PCLO: variants seen among roughly 807,000 people sequenced by gnomAD.
The protein encoded by PCLO is piccolo presynaptic cytomatrix protein.
PCLO carries 82 observed loss-of-function variants against 427.5 expected under a neutral mutation model. The observed-to-expected ratio is 0.19, with a 90% confidence interval of 0.16 to 0.23. The LOEUF is 0.23. Among genes scored for constraint, PCLO ranks in the 10% least tolerant of loss-of-function variants. PCLO has a pLI of 1.00. For synonymous variants in PCLO, 2,357 were observed against 2,155.4 expected (o/e 1.09, Z -2.59); for missense variants, 6,239 against 6,115.9 (o/e 1.02, Z -0.67).
intron 9 of PCLO, among the ~76,000 whole-genome samples, chr7:82,902,293 G>A (rs1480310671): frequency 2.0e-5 from 3 of 151,584 alleles, no homozygotes; most frequent in Non-Finnish European, 2.9e-5. Flanking sequence ...GGATGAAATT[G>A]GAAATCATCA....
intron 22 of PCLO, among the ~76,000 whole-genome samples, chr7:82,776,093 A>G (rs1438737879): frequency 6.6e-6 from 1 of 152,166 alleles, no homozygotes; most frequent in Admixed American, 6.5e-5. Context: ...GTTTTTCTAT[A>G]TAGGTGTTCA....
chr7:83,035,715 T>C (rs1029490718), intron 3 of PCLO, among the ~76,000 whole-genome samples: 1 of 152,164 alleles, frequency 6.6e-6, no homozygotes, highest in African/African-American at 2.4e-5. Flanking sequence ...TTTTTAACCT[T>C]TTGAAAATTA....
At chr7:83,057,086 A>T in intron 3 of PCLO, among the ~76,000 whole-genome samples, 1 of 150,414 alleles carries the variant, frequency 6.6e-6, no homozygotes, top group East Asian at 1.9e-4. Flanking sequence ...TTAACCATAT[A>T]TATATATATT....
chr7:82,776,781 C>A (rs775168734), intron 22 of PCLO, among the ~76,000 whole-genome samples: 23 of 151,694 alleles, frequency 1.5e-4, no homozygotes, highest in Non-Finnish European at 3.2e-4. Context: ...GAAGACACAG[C>A]GAGACTCCAT....
intron 3 of PCLO, among the ~76,000 whole-genome samples, chr7:83,014,284 A>C (rs987106472): frequency 6.6e-6 from 1 of 152,164 alleles, no homozygotes; most frequent in Non-Finnish European, 1.5e-5. Flanking sequence ...TTAAATATCT[A>C]TCCTGTTCTA....
chr7:82,880,422 TTTGTAGAGACAAGGTCTCACTATG>T (rs1225368136), intron 9 of PCLO: 22 of 409,600 alleles, frequency 5.4e-5, no homozygotes, highest in African/African-American at 4.5e-4. Context: ...CTTTTTATCT[TTTGTAGAGACAAGGTCTCACTATG>T]TTGTCCAAGC....
At chr7:82,877,526 T>C (rs959327921) in intron 10 of PCLO, among the ~76,000 whole-genome samples, 4 of 152,210 alleles carry the variant, frequency 2.6e-5, no homozygotes, top group South Asian at 2.1e-4. Context: ...GTTATAGTCA[T>C]AGAAAACGCA....
intron 4 of PCLO, among the ~76,000 whole-genome samples, chr7:82,959,488 C>T (rs753874474): frequency 5.3e-5 from 8 of 152,222 alleles, no homozygotes; most frequent in Middle Eastern, 3.4e-3. Context: ...TAAAAAGTTA[C>T]GGTTTTATAT....
chr7:83,036,680 T>C (rs1002525139), intron 3 of PCLO, among the ~76,000 whole-genome samples: 5 of 152,112 alleles, frequency 3.3e-5, no homozygotes, highest in African/African-American at 1.2e-4. Flanking sequence ...TGCTATAGTC[T>C]GAATATAGAA....
chr7:82,969,843 G>C (rs1173150527), intron 3 of PCLO, among the ~76,000 whole-genome samples: 1 of 152,074 alleles, frequency 6.6e-6, no homozygotes, highest in Non-Finnish European at 1.5e-5. Flanking sequence ...GCAGAAGAGA[G>C]AGATACCACT....
intron 24 of PCLO, 34 bp from the exon 25 acceptor site, chr7:82,758,749 T>G (rs1308577075): frequency 7.6e-7 from 1 of 1,315,716 alleles, no homozygotes. Flanking sequence ...ACATATTTAA[T>G]TTATACACAT....
At chr7:82,844,678 T>G (rs1792454253) in intron 13 of PCLO, among the ~76,000 whole-genome samples, 1 of 152,278 alleles carries the variant, frequency 6.6e-6, no homozygotes, top group South Asian at 2.1e-4. Context: ...GTATATTTCC[T>G]CTGCTTTTTA....
intron 13 of PCLO, among the ~76,000 whole-genome samples, chr7:82,843,494 T>C (rs1043379543): frequency 5.3e-5 from 8 of 152,174 alleles, no homozygotes; most frequent in African/African-American, 1.7e-4. Flanking sequence ...CTACAGTTAA[T>C]AGTAAATGTA....
In PCLO at chr7:82,909,106, G is replaced by C. The variant is rs531489922; in HGVS notation, c.13301-93C>G. On this transcript the variant is annotated intron_variant, in intron 7 of 24. Coordinates refer to ENST00000333891, the MANE Select transcript of PCLO (RefSeq NM_033026.6). ...GTTCTGTAGTACTAGCATGCACTAG[G>C]CTTGTTAACCATACATGCATTTCAA... 6 of 1,229,760 alleles carry C rather than the reference G, an allele frequency of 4.9e-6. No homozygotes were observed. In the African/African-American group the frequency reaches 6.0e-5, roughly 12 times the overall value. 76.2% of individuals were successfully genotyped at this position (1,229,760 alleles called of 1,614,324 possible). A position where few individuals can be genotyped will look rare whatever the true frequency, so the allele number is the denominator to read the frequency against.
chr7:82,928,505 C>T (rs928172517), intron 6 of PCLO, among the ~76,000 whole-genome samples: 3 of 152,136 alleles, frequency 2.0e-5, no homozygotes, highest in South Asian at 2.1e-4. Context: ...CTTAGCCTCC[C>T]GAGTAGCTGG....
intron 3 of PCLO, among the ~76,000 whole-genome samples, chr7:83,055,046 A>G (rs1789344637): frequency 1.3e-5 from 2 of 152,108 alleles, no homozygotes; most frequent in African/African-American, 4.8e-5. Context: ...ACAACAGAAA[A>G]TCTCCTGAAG....
intron 3 of PCLO, among the ~76,000 whole-genome samples, chr7:83,017,098 T>C (rs1017255114): frequency 6.6e-6 from 1 of 152,010 alleles, no homozygotes; most frequent in Admixed American, 6.6e-5. Flanking sequence ...CCTCAAAAAA[T>C]GATTTACTAA....
At chr7:82,994,956 T>C (rs1413568566) in intron 3 of PCLO, among the ~76,000 whole-genome samples, 3 of 152,002 alleles carry the variant, frequency 2.0e-5, no homozygotes, top group African/African-American at 7.2e-5. Flanking sequence ...GGTGGATTAC[T>C]GTGTTATTTA....
At chr7:82,816,085 T>C (rs906796872) in intron 20 of PCLO, among the ~76,000 whole-genome samples, 3 of 152,138 alleles carry the variant, frequency 2.0e-5, no homozygotes, top group African/African-American at 4.8e-5. Flanking sequence ...AATATTTTCA[T>C]GGTCTTGTTC....
Sources: gnomAD v4.1 joint callset for allele counts (sites outside exome capture counted in the v4.1 genomes callset) on GRCh38, gnomAD v4.1.1 for gene constraint, MANE v1.5 for transcripts, NCBI Gene and HGNC (gene_info 2026-07-23, HGNC 2026-07-21) for gene names.